Variants in FMN1 observed in about 807,000 individuals in gnomAD.
FMN1 encodes the protein formin 1, also known as formin-1.
FMN1 carries 110 observed loss-of-function variants against 132.4 expected under a neutral mutation model. That is an observed-to-expected ratio of 0.83 (90% CI 0.71 to 0.97). The LOEUF (loss-of-function observed/expected upper bound fraction) is 0.97, where lower values mean the gene tolerates loss of function less well. Ranked by LOEUF, FMN1 falls within the 50% of genes least tolerant of loss-of-function variation. FMN1 has a pLI of 0.00. For missense variants in FMN1, 1,792 were observed against 1,705.3 expected, an observed-to-expected ratio of 1.05 and a Z score of -0.90; for synonymous variants, 722 against 651.7, an observed-to-expected ratio of 1.11 and a Z score of -1.64.
At position 32,787,093 on chromosome 15, in the gene FMN1, C is replaced by T. The variant is rs183606661; in HGVS notation, c.4131-10174G>A. On this transcript the variant is annotated intron_variant, in intron 19 of 20. Transcript: ENST00000616417. ...CTGAATTCCTGACATAACTATCGCACGAGGTTAACTGCTATAAAAGTCAAT... is the reference window on the plus strand; with the variant it reads ...CTGAATTCCTGACATAACTATCGCATGAGGTTAACTGCTATAAAAGTCAAT... Among the ~76,000 whole-genome samples the T allele has an allele frequency of 1.6e-3, 247 of 152,216 alleles. 1 individual carries two copies. The highest frequency in any genetic ancestry group is 5.6e-3 in the African/African-American group (232 of 41,524).
intron 7 of FMN1, among the ~76,000 whole-genome samples, chr15:32,983,990 G>A (rs2032884635): frequency 6.6e-6 from 1 of 152,138 alleles, no homozygotes; most frequent in South Asian, 2.1e-4. Flanking sequence ...CAAAGTGTTA[G>A]GCACAATGTT....
chr15:32,996,725 C>T (rs992454772), intron 7 of FMN1, among the ~76,000 whole-genome samples: 9 of 151,528 alleles, frequency 5.9e-5, no homozygotes, highest in African/African-American at 2.2e-4. Flanking sequence ...TAATGTTACG[C>T]GCGTATACAC....
intron 4 of FMN1, among the ~76,000 whole-genome samples, chr15:33,120,443 G>C (rs1962442005): frequency 6.6e-6 from 1 of 152,074 alleles, no homozygotes; most frequent in African/African-American, 2.4e-5. Context: ...ACACCGGCAG[G>C]GAAGACATGT....
chr15:32,871,092 T>C (rs2059504681), intron 16 of FMN1, among the ~76,000 whole-genome samples: 1 of 152,124 alleles, frequency 6.6e-6, no homozygotes, highest in East Asian at 1.9e-4. Flanking sequence ...AGCCCAGGCA[T>C]GGAGGTACCG....
At chr15:32,789,624 G>T (rs1325491682) in intron 19 of FMN1, among the ~76,000 whole-genome samples, 1 of 152,060 alleles carries the variant, frequency 6.6e-6, no homozygotes, top group African/African-American at 2.4e-5. Flanking sequence ...ATTTAGTGTA[G>T]CCTAAATGTA....
In FMN1 at chr15:33,185,129, T is replaced by C. The variant is rs77077071; in HGVS notation, c.-196-4867A>G. ...ATTGAAGGTTAGCATCTGCTTGCTGTGGTAAGTGACAAACTAGAGTAATCC... is the reference window on the plus strand; with the variant it reads ...ATTGAAGGTTAGCATCTGCTTGCTGCGGTAAGTGACAAACTAGAGTAATCC... On this transcript the variant is annotated intron_variant, in intron 2 of 20. Transcript: ENST00000616417. Among the ~76,000 whole-genome samples the C allele has an allele frequency of 7.1e-3, 1,087 of 152,320 alleles. 14 individuals carry two copies. The highest frequency in any genetic ancestry group is 0.02 in the Middle Eastern group (6 of 294).
chr15:33,065,139 A>G, intron 5 of FMN1, 65 bp from the exon 6 acceptor site: 1 of 1,062,430 alleles, frequency 9.4e-7, no homozygotes, highest in Non-Finnish European at 1.4e-6. Flanking sequence ...CTGAAAAATG[A>G]CATGCTAAAC....
chr15:32,891,384 A>G (rs1431037087), intron 15 of FMN1, among the ~76,000 whole-genome samples: 2 of 152,140 alleles, frequency 1.3e-5, no homozygotes, highest in African/African-American at 4.8e-5. Context: ...AGCAGCTGGG[A>G]CCACAGGCAC....
At chr15:33,017,494 A>C (rs953086807) in intron 6 of FMN1, among the ~76,000 whole-genome samples, 1 of 152,162 alleles carries the variant, frequency 6.6e-6, no homozygotes, top group East Asian at 1.9e-4. Context: ...TTTTTCAAAA[A>C]AGAAGTGAAT....
At chr15:32,987,642 C>T (rs1021414369) in intron 7 of FMN1, among the ~76,000 whole-genome samples, 27 of 152,132 alleles carry the variant, frequency 1.8e-4, no homozygotes, top group Middle Eastern at 3.2e-3. Flanking sequence ...TGATAAAATA[C>T]ACCCCCTTCT....
At chr15:33,126,801 C>T (rs540939260) in intron 4 of FMN1, among the ~76,000 whole-genome samples, 7 of 152,304 alleles carry the variant, frequency 4.6e-5, no homozygotes, top group Admixed American at 3.9e-4. Flanking sequence ...CCATGAAACC[C>T]GAACTCTTTT....
intron 3 of FMN1, among the ~76,000 whole-genome samples, chr15:33,166,071 C>T (rs1402809739): frequency 2.0e-5 from 3 of 152,130 alleles, no homozygotes; most frequent in Non-Finnish European, 4.4e-5. Flanking sequence ...CTGTTTAAAA[C>T]GTCCACAAAA....
intron 15 of FMN1, among the ~76,000 whole-genome samples, chr15:32,898,308 A>G (rs2060208678): frequency 1.0e-5 from 1 of 99,310 alleles, no homozygotes; most frequent in Admixed American, 9.8e-5. Context: ...CAATTTAACA[A>G]GAAGGAATAA....
intron 15 of FMN1, among the ~76,000 whole-genome samples, chr15:32,894,205 C>A (rs762066138): frequency 6.6e-6 from 1 of 152,106 alleles, no homozygotes; most frequent in South Asian, 2.1e-4. Flanking sequence ...GAGACAATGG[C>A]CAGGTATGGT....
chr15:33,067,036 C>T (rs1224746586), intron 5 of FMN1: 1 of 1,614,018 alleles, frequency 6.2e-7, no homozygotes, highest in Non-Finnish European at 8.5e-7. Context: ...CCCCCTTCTT[C>T]AGCACACGAA....
chr15:32,945,317 A>G (rs7178460), intron 9 of FMN1, among the ~76,000 whole-genome samples: 7,439 of 152,182 alleles, frequency 0.049, 243 homozygotes, highest in Middle Eastern at 0.12. Context: ...GTCCTTTACT[A>G]AAGCTATTGT....
intron 10 of FMN1, among the ~76,000 whole-genome samples, chr15:32,917,243 G>GT (rs2060707118): frequency 1.3e-5 from 2 of 152,188 alleles, no homozygotes; most frequent in Admixed American, 1.3e-4. Context: ...GAAGAGCTCT[G>GT]TAACAAGCCT....
intron 6 of FMN1, among the ~76,000 whole-genome samples, chr15:33,015,491 C>T (rs2034989011): frequency 6.6e-6 from 1 of 152,110 alleles, no homozygotes; most frequent in Non-Finnish European, 1.5e-5. Context: ...CTCTTTCTTA[C>T]ACATATATCC....
At chr15:33,078,353 G>C (rs1043994685) in intron 5 of FMN1, among the ~76,000 whole-genome samples, 1 of 152,112 alleles carries the variant, frequency 6.6e-6, no homozygotes, top group African/African-American at 2.4e-5. Flanking sequence ...GTTTTGAAAT[G>C]TATTCACTAT....
Sources: gnomAD v4.1 joint callset for allele counts (sites outside exome capture counted in the v4.1 genomes callset) on GRCh38, gnomAD v4.1.1 for gene constraint, MANE v1.5 for transcripts, NCBI Gene and HGNC (gene_info 2026-07-23, HGNC 2026-07-21) for gene names.